CHN2: variants seen among roughly 807,000 people sequenced by gnomAD.
CHN2 encodes beta-chimaerin.
Under a neutral mutation model 56.3 loss-of-function variants are expected in CHN2, and 35 were observed. The ratio of observed to expected loss-of-function variants is 0.62; its 90% CI spans 0.47 to 0.82. The LOEUF (loss-of-function observed/expected upper bound fraction) is 0.82. Ranked by LOEUF, CHN2 falls within the 40% of genes least tolerant of loss-of-function variation. CHN2 has a pLI of 0.00. For synonymous variants in CHN2, 210 were observed against 212.8 expected (o/e 0.99, Z 0.12); for missense variants, 491 against 580.5 (o/e 0.85, Z 1.58).
At chr7:29,243,896 A>C (rs1013305367) in intron 1 of CHN2, among the ~76,000 whole-genome samples, 2 of 152,234 alleles carry the variant, frequency 1.3e-5, no homozygotes, top group African/African-American at 4.8e-5. Flanking sequence ...CTCAAGTCAA[A>C]CTACCAGTCA....
intron 1 of CHN2, among the ~76,000 whole-genome samples, chr7:29,231,883 T>A (rs1786741353): frequency 6.6e-6 from 1 of 152,260 alleles, no homozygotes; most frequent in Admixed American, 6.5e-5. Context: ...CAGATCATCT[T>A]ACTAATTGAG....
chr7:29,336,871 T>C (rs887124973), intron 1 of CHN2, among the ~76,000 whole-genome samples: 6 of 146,434 alleles, frequency 4.1e-5, no homozygotes, highest in African/African-American at 1.5e-4. Flanking sequence ...TTTCTCTCCC[T>C]CCCTGGCACA....
At chr7:29,223,498 G>A (rs1398004169) in intron 1 of CHN2, among the ~76,000 whole-genome samples, 1 of 152,034 alleles carries the variant, frequency 6.6e-6, no homozygotes, top group Non-Finnish European at 1.5e-5. Flanking sequence ...AATTTTATAT[G>A]CATGGAATCA....
At chr7:29,399,619 T>C (rs532608847) in intron 5 of CHN2, among the ~76,000 whole-genome samples, 1 of 152,300 alleles carries the variant, frequency 6.6e-6, no homozygotes, top group South Asian at 2.1e-4. Context: ...TTGTGAACTC[T>C]TCGGAATTGG....
At chr7:29,421,196 G>A (rs1804309313) in intron 6 of CHN2, among the ~76,000 whole-genome samples, 1 of 152,206 alleles carries the variant, frequency 6.6e-6, no homozygotes, top group Non-Finnish European at 1.5e-5. Flanking sequence ...GTCAACTCAA[G>A]TTCATTTCTC....
chr7:29,384,573 A>G (rs1391151495), intron 3 of CHN2, among the ~76,000 whole-genome samples: 1 of 152,186 alleles, frequency 6.6e-6, no homozygotes, highest in Non-Finnish European at 1.5e-5. Flanking sequence ...CTGGGTGAAG[A>G]TCAGAACCAG....
intron 1 of CHN2, among the ~76,000 whole-genome samples, chr7:29,324,617 T>C (rs1408093636): frequency 6.6e-6 from 1 of 152,100 alleles, no homozygotes; most frequent in African/African-American, 2.4e-5. Context: ...TTTTTTTTTT[T>C]TTTAATTTTT....
intron 7 of CHN2, among the ~76,000 whole-genome samples, chr7:29,489,769 G>A (rs1788448793): frequency 6.6e-6 from 1 of 152,190 alleles, no homozygotes; most frequent in Non-Finnish European, 1.5e-5. Context: ...GGACAGAACA[G>A]ATCAAAGGCA....
chr7:29,237,643 A>G (rs1291618141), intron 1 of CHN2, among the ~76,000 whole-genome samples: 3 of 152,208 alleles, frequency 2.0e-5, no homozygotes, highest in Non-Finnish European at 4.4e-5. Context: ...TAAAGCAGAC[A>G]GGAAAGGAGG....
intron 6 of CHN2, among the ~76,000 whole-genome samples, chr7:29,413,000 G>A (rs537827770): frequency 6.6e-6 from 1 of 152,302 alleles, no homozygotes; most frequent in Non-Finnish European, 1.5e-5. Flanking sequence ...GGCTACATTG[G>A]TTTGTTTTCA....
At chr7:29,308,618 G>A (rs151308033) in intron 1 of CHN2, among the ~76,000 whole-genome samples, 161 of 152,290 alleles carry the variant, frequency 1.1e-3, no homozygotes, top group South Asian at 3.9e-3. Context: ...CAAGGAATGC[G>A]TGGAGGATTG....
At chr7:29,332,180 C>T (rs1796275280) in intron 1 of CHN2, among the ~76,000 whole-genome samples, 1 of 152,116 alleles carries the variant, frequency 6.6e-6, no homozygotes, top group African/African-American at 2.4e-5. Context: ...GCGAGACTGT[C>T]CAAGCTCCAC....
intron 1 of CHN2, among the ~76,000 whole-genome samples, chr7:29,300,926 G>C (rs6964738): frequency 0.24 from 36,456 of 152,016 alleles, 5,312 homozygotes; most frequent in Non-Finnish European, 0.32. Flanking sequence ...TTTTTTAAAT[G>C]TGTTTATTCT....
At chr7:29,355,287 T>C (rs1014334409) in intron 2 of CHN2, among the ~76,000 whole-genome samples, 1 of 152,182 alleles carries the variant, frequency 6.6e-6, no homozygotes, top group African/African-American at 2.4e-5. Context: ...ATTTATTTTT[T>C]TACACAGTTG....
intron 1 of CHN2, among the ~76,000 whole-genome samples, chr7:29,262,039 G>A (rs1475243847): frequency 3.3e-5 from 5 of 152,076 alleles, no homozygotes; most frequent in East Asian, 1.9e-4. Context: ...ATGGTGGCGT[G>A]AGCCTGTAAT....
intron 1 of CHN2, among the ~76,000 whole-genome samples, chr7:29,338,715 A>G (rs925520748): frequency 2.6e-5 from 4 of 152,136 alleles, no homozygotes; most frequent in African/African-American, 9.7e-5. Context: ...AGTAGCTGGG[A>G]TTGCAGGCTA....
intron 3 of CHN2, among the ~76,000 whole-genome samples, chr7:29,382,227 T>C (rs1238231736): frequency 6.6e-6 from 1 of 152,202 alleles, no homozygotes; most frequent in Non-Finnish European, 1.5e-5. Context: ...CATTTAATGG[T>C]TTCTACTCAA....
chr7:29,328,670 TAAA>T (rs375118116), intron 1 of CHN2, among the ~76,000 whole-genome samples: 3 of 139,060 alleles, frequency 2.2e-5, no homozygotes. Context: ...ATTGCTGAAT[TAAA>T]AAAAAAAAAA....
chr7:29,380,409 G>A (rs1800407211), intron 3 of CHN2, among the ~76,000 whole-genome samples: 1 of 152,126 alleles, frequency 6.6e-6, no homozygotes, highest in Admixed American at 6.5e-5. Flanking sequence ...GAGAAAACCT[G>A]TCTAAAAAGG....
Sources: allele counts gnomAD v4.1 joint callset (sites outside exome capture counted in the v4.1 genomes callset), GRCh38; gene constraint gnomAD v4.1.1; transcripts MANE v1.5; gene names NCBI Gene and HGNC (gene_info 2026-07-23, HGNC 2026-07-21).